MYH15: variants seen among roughly 807,000 people sequenced by gnomAD.
MYH15 encodes the protein myosin-15.
Under a neutral mutation model 240.5 loss-of-function variants are expected in MYH15, and 227 were observed. The ratio of observed to expected loss-of-function variants is 0.94; its 90% CI spans 0.85 to 1.05. The LOEUF is 1.05. Ranked by LOEUF, MYH15 falls within the 50% of genes least tolerant of loss-of-function variation. The pLI is 0.00. For synonymous variants in MYH15, 785 were observed against 796.7 expected, an observed-to-expected ratio of 0.99 and a Z score of 0.25; for missense variants, 2,217 against 2,247.5, an observed-to-expected ratio of 0.99 and a Z score of 0.27.
At chr3:108,522,583 C>G (rs771948847) in intron 1 of MYH15, among the ~76,000 whole-genome samples, 47 of 151,810 alleles carry the variant, frequency 3.1e-4, no homozygotes, top group Non-Finnish European at 6.2e-4. Flanking sequence ...ACCATAGAAG[C>G]CCCTTTGAAG....
At chr3:108,540,711 G>C in the MYH15 span, among the ~76,000 whole-genome samples, 1 of 152,024 alleles carries the variant, frequency 6.6e-6, no homozygotes, top group East Asian at 1.9e-4. Flanking sequence ...TGCTTAATGG[G>C]AAAACACTAA....
chr3:108,384,281 G>T (rs2082365405), intron 39 of MYH15, among the ~76,000 whole-genome samples: 1 of 152,128 alleles, frequency 6.6e-6, no homozygotes, highest in Non-Finnish European at 1.5e-5. Context: ...ATTTATGGTG[G>T]TTTTGTCCAC....
Position 108,380,520 on chromosome 3 carries a change from A to T in MYH15, c.*1025T>A, listed in dbSNP as rs542784404. The T allele has an allele frequency of 8.5e-5, 13 of 152,500 alleles. No individual in the cohort carries two copies. Among genetic ancestry groups the T allele is most frequent in the African/African-American group, 3.1e-4 (13 of 41,582 alleles). 9.4% of individuals were successfully genotyped at this position (152,500 alleles called of 1,614,324 possible). A position where few individuals can be genotyped will look rare whatever the true frequency, so the allele number is the denominator to read the frequency against. ...ATGCAGCAAGGATGAAGGGAAGTCC[A>T]TAAGAACAAACAGAACCCATGTCTG... On this transcript the variant is annotated 3_prime_UTR_variant, in exon 41 of 41. Transcript: ENST00000693548.
chr3:108,544,756 T>C, the MYH15 span, among the ~76,000 whole-genome samples: 2 of 152,186 alleles, frequency 1.3e-5, no homozygotes, highest in African/African-American at 2.4e-5. Flanking sequence ...AATTAAAGGT[T>C]TGTATTTTCA....
chr3:108,434,232 G>C (rs1274089706), intron 25 of MYH15, among the ~76,000 whole-genome samples: 2 of 148,390 alleles, frequency 1.3e-5, no homozygotes, highest in Admixed American at 1.3e-4. Flanking sequence ...GCCCAGGCTG[G>C]AGTGCAATGG....
the MYH15 span, among the ~76,000 whole-genome samples, chr3:108,539,517 C>A: frequency 6.6e-6 from 1 of 152,018 alleles, no homozygotes; most frequent in Admixed American, 6.6e-5. Context: ...AGTAATAGAT[C>A]TAATACCTGG....
chr3:108,498,167 T>C (rs1288272899), intron 5 of MYH15, 22 bp from the exon 6 acceptor site: 3 of 1,599,342 alleles, frequency 1.9e-6, no homozygotes, highest in Non-Finnish European at 2.6e-6. Context: ...AATTCAGTGA[T>C]ACAGTTAACT....
chr3:108,383,960 C>G (rs1028112435), intron 39 of MYH15, among the ~76,000 whole-genome samples: 2 of 152,076 alleles, frequency 1.3e-5, no homozygotes, highest in Non-Finnish European at 2.9e-5. Flanking sequence ...CTAGTTGGCA[C>G]TTTTCATCAA....
the MYH15 span, among the ~76,000 whole-genome samples, chr3:108,541,559 T>C: frequency 2.1e-4 from 32 of 152,162 alleles, no homozygotes; most frequent in East Asian, 1.5e-3. Context: ...TTTACATATA[T>C]GGTAGCCATG....
intron 1 of MYH15, among the ~76,000 whole-genome samples, chr3:108,527,685 A>G (rs1056786779): frequency 6.6e-6 from 1 of 152,128 alleles, no homozygotes; most frequent in Admixed American, 6.6e-5. Flanking sequence ...CATAGAAAAA[A>G]TCTTATGGCT....
Position 108,394,081 on chromosome 3 carries a change from C to T in MYH15, c.5209G>A (p.Val1737Met). The stretch of plus-strand genomic sequence containing the variant: ...TCTTCTGCATTTTGACACTCCTGCA[C>T]CACCTCTTCAGCTTCTTTCTGCATC... ...ARMQKEAEEV[V>M]QECQNAEEKA... is the part of the protein sequence containing the mutation. Residue 1737 changes from valine to methionine, a missense_variant, in exon 36 of 41, where the codon GTG (valine) becomes ATG (methionine). Physicochemically the swap from Val to Met is conservative, Grantham distance 21 (BLOSUM62 1). Transcript: ENST00000693548. 6.2e-7 allele frequency: 1 copy of T among 1,614,156 alleles called. No individual in the cohort carries two copies. The highest frequency in any genetic ancestry group is 1.3e-5 in the African/African-American group (1 of 75,048).
At chr3:108,542,959 T>G in the MYH15 span, among the ~76,000 whole-genome samples, 1 of 151,232 alleles carries the variant, frequency 6.6e-6, no homozygotes, top group East Asian at 1.9e-4. Flanking sequence ...CAGCTCACTG[T>G]AACCTCTGCC....
At chr3:108,542,241 G>A in the MYH15 span, among the ~76,000 whole-genome samples, 3 of 151,832 alleles carry the variant, frequency 2.0e-5, no homozygotes, top group Non-Finnish European at 2.9e-5. Flanking sequence ...TATAATTAAC[G>A]AACCAGTATT....
At chr3:108,437,482 A>C in intron 25 of MYH15, 72 bp downstream of exon 25, 1 of 1,538,910 alleles carries the variant, frequency 6.5e-7, no homozygotes, top group Non-Finnish European at 8.7e-7. Context: ...CCTAAGGATA[A>C]ATGAAATGAG....
chr3:108,471,035 AAG>A (rs1418443277), intron 12 of MYH15, among the ~76,000 whole-genome samples, 188 bp from the exon 13 acceptor site: 1 of 113,946 alleles, frequency 8.8e-6, no homozygotes, highest in East Asian at 0.011. Flanking sequence ...AAAAGAAAGA[AAG>A]AAAGAAAAGG....
chr3:108,461,472 T>C (rs1297276726), intron 16 of MYH15, among the ~76,000 whole-genome samples: 3 of 152,122 alleles, frequency 2.0e-5, no homozygotes, highest in Non-Finnish European at 2.9e-5. Context: ...AGAGGGTGCT[T>C]AAAGAATTAT....
the MYH15 span, among the ~76,000 whole-genome samples, chr3:108,548,453 T>C: frequency 6.6e-6 from 1 of 152,110 alleles, no homozygotes. Context: ...TTACTAAAGT[T>C]TGAATGGAAC....
At position 108,464,629 on chromosome 3, in the gene MYH15, G is replaced by A; in HGVS notation, c.1731+9C>T. ...AAAATTCAAGACCGGGGGTCCAGAGGTAACTCACCACTCCTGCATAATGGA... is the reference window on the plus strand; with the variant it reads ...AAAATTCAAGACCGGGGGTCCAGAGATAACTCACCACTCCTGCATAATGGA... On this transcript the variant is annotated intron_variant, in intron 15 of 40. Transcript: ENST00000693548. 1 of 1,598,922 alleles carries A rather than the reference G, an allele frequency of 6.3e-7. No individual in the cohort carries two copies. The highest frequency in any genetic ancestry group is 8.5e-7 in the Non-Finnish European group (1 of 1,173,880).
At chr3:108,465,361 G>A (rs1247597534) in intron 14 of MYH15, among the ~76,000 whole-genome samples, 1 of 152,214 alleles carries the variant, frequency 6.6e-6, no homozygotes, top group Non-Finnish European at 1.5e-5. Flanking sequence ...AGTGTGGGCA[G>A]AGAAAAGCTA....
Sources: gnomAD v4.1 joint callset for allele counts (sites outside exome capture counted in the v4.1 genomes callset) on GRCh38, gnomAD v4.1.1 for gene constraint, MANE v1.5 for transcripts, NCBI Gene and HGNC (gene_info 2026-07-23, HGNC 2026-07-21) for gene names.